GALNT7: variants seen among roughly 807,000 people sequenced by gnomAD.
GALNT7 encodes polypeptide N-acetylgalactosaminyltransferase 7.
Under a neutral mutation model 82.1 loss-of-function variants are expected in GALNT7, and 60 were observed. The observed-to-expected ratio is 0.73, with a 90% CI of 0.59 to 0.91. The LOEUF is 0.91. GALNT7 is among the 40% of genes least tolerant of loss of function. The pLI is 0.00. For synonymous variants in GALNT7, 243 were observed against 275.1 expected (o/e 0.88, Z 1.15); for missense variants, 660 against 804.2 (o/e 0.82, Z 2.17).
rs368258631 is a variant in GALNT7 at position 173,292,405 on chromosome 4, TG to T, written c.754+132del. 6 of 592,278 alleles carry T rather than the reference TG, an allele frequency of 1.0e-5. No individual in the cohort carries two copies. Among genetic ancestry groups the T allele is most frequent in the Middle Eastern group, 4.5e-4 (1 of 2,198 alleles). 36.7% of individuals were successfully genotyped at this position (592,278 alleles called of 1,614,324 possible). On this transcript the variant is annotated intron_variant, in intron 3 of 11. Coordinates refer to ENST00000265000, the MANE Select transcript of GALNT7 (RefSeq NM_017423.3). This position sits in a 1 kb window ranked among gnomAD's most constrained non-coding sequence, Gnocchi z 4.8. ...TTGATAGCATCTGTTATCAACAAGT[TG>T]ACACTGTGCCAAGCATTGTATGTGA...
chr4:173,301,898 G>A (rs1736954894), intron 6 of GALNT7, 149 bp from the exon 7 acceptor site: 2 of 554,592 alleles, frequency 3.6e-6, no homozygotes, highest in Non-Finnish European at 6.5e-6. Flanking sequence ...TTCTTTTTTT[G>A]TAAAGGCTTT....
intron 1 of GALNT7, among the ~76,000 whole-genome samples, chr4:173,228,235 G>A (rs1273644757): frequency 8.5e-6 from 1 of 117,432 alleles, no homozygotes; most frequent in African/African-American, 2.8e-5. Context: ...CAAGAGATGA[G>A]AAAAATTAAC....
intron 2 of GALNT7, among the ~76,000 whole-genome samples, chr4:173,268,541 T>TG (rs1554026084): frequency 8.1e-6 from 1 of 124,096 alleles, no homozygotes; most frequent in Non-Finnish European, 1.7e-5. Flanking sequence ...TTTTTTTTTT[T>TG]TTTTTTTTTT....
At chr4:173,269,675 A>G (rs1735650541) in intron 2 of GALNT7, among the ~76,000 whole-genome samples, 2 of 152,122 alleles carry the variant, frequency 1.3e-5, no homozygotes, top group African/African-American at 4.8e-5. Context: ...CCTGGTAACT[A>G]GCTTTGACTT....
intron 2 of GALNT7, among the ~76,000 whole-genome samples, chr4:173,254,373 G>A (rs1021707270): frequency 2.0e-5 from 3 of 152,126 alleles, no homozygotes; most frequent in East Asian, 3.9e-4. Flanking sequence ...CATATTAAAG[G>A]TTCTCTTTGA....
At chr4:173,235,737 G>A (rs1449243221) in intron 1 of GALNT7, among the ~76,000 whole-genome samples, 1 of 151,960 alleles carries the variant, frequency 6.6e-6, no homozygotes, top group Non-Finnish European at 1.5e-5. Context: ...TGTATTTTTA[G>A]AAGAGATGGA....
rs1220197846 is a variant in GALNT7, at chr4:173,292,429, T to G, written c.754+155T>G. ...TTGACACTGTGCCAAGCATTGTATG[T>G]GAGTTATTTTGTTTAATACTAACAG... On this transcript the variant is annotated intron_variant, in intron 3 of 11. Transcript: ENST00000265000. This position sits in a 1 kb window ranked among gnomAD's most constrained non-coding sequence, Gnocchi z 4.8. 6.6e-6 allele frequency among the ~76,000 whole-genome samples: 1 copy of G among 152,194 alleles called. No individual in the cohort carries two copies. Among genetic ancestry groups the G allele is most frequent in the East Asian group, 1.9e-4 (1 of 5,200 alleles).
intron 8 of GALNT7, among the ~76,000 whole-genome samples, chr4:173,311,725 A>C (rs562989050): frequency 2.0e-5 from 3 of 152,310 alleles, no homozygotes; most frequent in African/African-American, 7.2e-5. Context: ...CCCCGCCTCC[A>C]ACATTGGGGA....
chr4:173,286,968 C>G (rs993791586), intron 2 of GALNT7, among the ~76,000 whole-genome samples: 1 of 152,150 alleles, frequency 6.6e-6, no homozygotes, highest in Non-Finnish European at 1.5e-5. Context: ...GCCTCAGTGC[C>G]TCCCTGAGAC....
chr4:173,252,557 TTCAC>T (rs149904432), intron 2 of GALNT7, among the ~76,000 whole-genome samples: 1,571 of 152,330 alleles, frequency 0.01, 12 homozygotes, highest in Middle Eastern at 0.034. Flanking sequence ...TTGAATTACA[TTCAC>T]TGACTGAGTA....
At chr4:173,222,769 G>C (rs187032516) in intron 1 of GALNT7, among the ~76,000 whole-genome samples, 1 of 152,266 alleles carries the variant, frequency 6.6e-6, no homozygotes, top group African/African-American at 2.4e-5. Context: ...GGCATTGGCT[G>C]TACAATGGGA....
chr4:173,194,855 G>C (rs901554751), intron 1 of GALNT7, among the ~76,000 whole-genome samples: 4 of 152,028 alleles, frequency 2.6e-5, no homozygotes, highest in African/African-American at 9.7e-5. Flanking sequence ...ATTTAATCTG[G>C]TTTTCAGCCA....
rs1344497154 is a variant in GALNT7 at position 173,168,977 on chromosome 4, G to A, written c.126+16G>A. 1.9e-6 allele frequency: 3 copies of A among 1,609,874 alleles called. No individual in the cohort carries two copies. In the South Asian group the frequency reaches 3.3e-5, roughly 18 times the overall value. On this transcript the variant is annotated intron_variant, in intron 1 of 11. Coordinates refer to ENST00000265000, the MANE Select transcript of GALNT7 (RefSeq NM_017423.3). ...CAGGATGAGGGTGAGTGACCCGCCC[G>A]GCCCCCTCCGGCGGCAGCGACCGGC...
At chr4:173,197,063 C>CTTTTTTT (rs5864189) in intron 1 of GALNT7, among the ~76,000 whole-genome samples, 7 of 117,952 alleles carry the variant, frequency 5.9e-5, no homozygotes, top group Non-Finnish European at 9.9e-5. Context: ...CTCTCTCTCC[C>CTTTTTTT]TTTTTTTTTT....
chr4:173,288,478 A>G (rs970860134), intron 2 of GALNT7, among the ~76,000 whole-genome samples: 3 of 151,934 alleles, frequency 2.0e-5, no homozygotes, highest in Non-Finnish European at 4.4e-5. Flanking sequence ...GGAGAAAAAA[A>G]TCCCATCCCA....
intron 2 of GALNT7, among the ~76,000 whole-genome samples, chr4:173,276,534 A>G (rs1579981373): frequency 6.6e-6 from 1 of 152,222 alleles, no homozygotes; most frequent in Non-Finnish European, 1.5e-5. Context: ...TAAAGAATAT[A>G]TAGTATTATC....
At chr4:173,319,526 CA>C (rs3836662) in intron 11 of GALNT7, among the ~76,000 whole-genome samples, 9,013 of 147,288 alleles carry the variant, frequency 0.061, 419 homozygotes, top group African/African-American at 0.13. Flanking sequence ...TTTATTTTCA[CA>C]AAAAAAAAGG....
intron 2 of GALNT7, among the ~76,000 whole-genome samples, chr4:173,262,646 A>T (rs962334494): frequency 1.3e-5 from 2 of 152,192 alleles, no homozygotes; most frequent in Non-Finnish European, 2.9e-5. Context: ...AACCAATCTC[A>T]GTGACCATAG....
chr4:173,295,173 G>A (rs78092644), intron 3 of GALNT7, among the ~76,000 whole-genome samples: 1 of 152,288 alleles, frequency 6.6e-6, no homozygotes, highest in African/African-American at 2.4e-5. Flanking sequence ...TTGTTTAGAA[G>A]GGTGTTTGAT....
Sources: gnomAD v4.1 joint callset for allele counts (sites outside exome capture counted in the v4.1 genomes callset) on GRCh38, gnomAD v4.1.1 for gene constraint, Gnocchi (gnomAD v3.1) non-coding constraint, MANE v1.5 for transcripts, NCBI Gene and HGNC (gene_info 2026-07-23, HGNC 2026-07-21) for gene names.